Variants in RNF141 observed in about 807,000 individuals in gnomAD.
RNF141 encodes C3HC4-like zinc finger protein.
In RNF141, 18 loss-of-function variants were observed where a neutral mutation model predicts 27.4. The observed-to-expected ratio is 0.66, with a 90% CI of 0.45 to 0.97. The LOEUF is 0.97. RNF141 is among the 50% of genes least tolerant of loss of function. The pLI is 0.00. For missense variants in RNF141, 230 were observed against 279.4 expected, an observed-to-expected ratio of 0.82 and a Z score of 1.26; for synonymous variants, 97 against 96.6, an observed-to-expected ratio of 1.00 and a Z score of -0.02.
At chr11:10,521,910 G>T (rs777750070) in intron 4 of RNF141, among the ~76,000 whole-genome samples, 2 of 152,276 alleles carry the variant, frequency 1.3e-5, no homozygotes, top group East Asian at 3.9e-4. Context: ...AAGTTTGAAC[G>T]TGTCCTGACA....
chr11:10,527,735 A>G (rs975713945), intron 3 of RNF141, among the ~76,000 whole-genome samples: 1 of 152,180 alleles, frequency 6.6e-6, no homozygotes, highest in African/African-American at 2.4e-5. Context: ...CTTGGAATAG[A>G]CTGCTTGTTG....
chr11:10,524,399 T>G (rs1849914552), intron 4 of RNF141, among the ~76,000 whole-genome samples: 1 of 151,634 alleles, frequency 6.6e-6, no homozygotes, highest in Non-Finnish European at 1.5e-5. Flanking sequence ...AGACTCCGCC[T>G]CAATTAAAAA....
intron 3 of RNF141, among the ~76,000 whole-genome samples, chr11:10,525,862 A>AC (rs1766249622): frequency 6.6e-6 from 1 of 152,216 alleles, no homozygotes; most frequent in Non-Finnish European, 1.5e-5. Context: ...ATAAATCCTA[A>AC]CAAAAGGTGG....
rs75146406 is a variant in RNF141, at chr11:10,538,362, C to T, written c.-48+2760G>A. Among the ~76,000 whole-genome samples, 1,022 of 152,318 alleles carry T rather than the reference C, an allele frequency of 6.7e-3. 15 individuals carry two copies. The highest frequency in any genetic ancestry group is 0.024 in the African/African-American group (985 of 41,564). ...ACCATAAAATATTGATAAATATTAA[C>T]ATCTATCACTATATGGGTGTGAAAA... On this transcript the variant is annotated intron_variant, in intron 1 of 5. Transcript: ENST00000265981.
intron 5 of RNF141, chr11:10,517,015 AAGC>A (rs1259067176): frequency 1.3e-5 from 2 of 152,226 alleles, no homozygotes; most frequent in Admixed American, 1.3e-4. Context: ...ACATACAAAA[AAGC>A]AGCAGAAAAA....
chr11:10,516,036 G>T (rs1020014727), intron 5 of RNF141: 1 of 152,162 alleles, frequency 6.6e-6, no homozygotes. Context: ...ATCTCTCAGT[G>T]AAATCTGGGA....
intron 4 of RNF141, 100 bp downstream of exon 4, chr11:10,525,089 AAAG>A: frequency 3.3e-6 from 3 of 904,734 alleles, no homozygotes; most frequent in South Asian, 2.6e-5. Flanking sequence ...GAGAAAAAAA[AAAG>A]ATTTAAGATG....
At chr11:10,518,943 TAACTA>T in intron 5 of RNF141, 86 bp downstream of exon 5, 1 of 844,238 alleles carries the variant, frequency 1.2e-6, no homozygotes, top group Non-Finnish European at 1.9e-6. Flanking sequence ...CTCTCATACT[TAACTA>T]CAGTATTTTT....
At chr11:10,515,549 A>C (rs901257846) in intron 5 of RNF141, 3 of 152,274 alleles carry the variant, frequency 2.0e-5, no homozygotes, top group African/African-American at 7.2e-5. Context: ...TTATAATAAA[A>C]ATTCCTTCTG....
chr11:10,515,139 A>T, intron 5 of RNF141, 73 bp from the exon 6 acceptor site: 1 of 1,462,810 alleles, frequency 6.8e-7, no homozygotes, highest in Non-Finnish European at 9.3e-7. Context: ...AAAGTAATAC[A>T]TGCACATGGC....
Position 10,538,324 on chromosome 11 carries a change from G to GT in RNF141, c.-48+2797dup, listed in dbSNP as rs573523133. Among the ~76,000 whole-genome samples the GT allele has an allele frequency of 1.6e-4, 25 of 152,282 alleles. No homozygotes were observed. The South Asian group carries it at 4.8e-3, about 29-fold the overall frequency. ...TTCCAGAAAGAGGGCTTGACATTTA[G>GT]TTTATTTTGAAAACCATAAAATATT... On this transcript the variant is annotated intron_variant, in intron 1 of 5. Coordinates refer to ENST00000265981, the MANE Select transcript of RNF141 (RefSeq NM_016422.4).
At chr11:10,540,650 CAAAA>C in intron 1 of RNF141, 1 of 152,262 alleles carries the variant, frequency 6.6e-6, no homozygotes, top group Non-Finnish European at 1.5e-5. Flanking sequence ...TCGTCCCAGG[CAAAA>C]GGTTTCTTAT....
At chr11:10,532,016 CTAAA>C (rs1200888824) in intron 2 of RNF141, 2 of 452,720 alleles carry the variant, frequency 4.4e-6, no homozygotes, top group East Asian at 7.1e-5. Flanking sequence ...ATATCCTGTG[CTAAA>C]TAAATAAAAG....
At chr11:10,518,044 A>T (rs1591496162) in intron 5 of RNF141, among the ~76,000 whole-genome samples, 1 of 152,338 alleles carries the variant, frequency 6.6e-6, no homozygotes, top group South Asian at 2.1e-4. Flanking sequence ...AAATAAGTGG[A>T]GAAATATACA....
chr11:10,521,989 A>C (rs1849891648), intron 4 of RNF141, among the ~76,000 whole-genome samples: 1 of 152,214 alleles, frequency 6.6e-6, no homozygotes, highest in Non-Finnish European at 1.5e-5. Context: ...CAGGAAGATA[A>C]ATTGGGAGTG....
chr11:10,530,430 AG>A (rs1217543584), intron 3 of RNF141, among the ~76,000 whole-genome samples: 2 of 152,218 alleles, frequency 1.3e-5, no homozygotes, highest in East Asian at 3.8e-4. Flanking sequence ...GAGGCAAAAA[AG>A]AATTTGATTA....
intron 4 of RNF141, among the ~76,000 whole-genome samples, chr11:10,519,747 A>G (rs1849871896): frequency 1.3e-5 from 2 of 152,186 alleles, no homozygotes; most frequent in Non-Finnish European, 2.9e-5. Flanking sequence ...TACTGTGTAA[A>G]TACGGTATAC....
intron 4 of RNF141, among the ~76,000 whole-genome samples, chr11:10,522,288 T>C (rs997525590): frequency 2.6e-5 from 4 of 152,154 alleles, no homozygotes; most frequent in African/African-American, 9.7e-5. Flanking sequence ...GGCTGGACTT[T>C]AAAAGTGAGA....
intron 3 of RNF141, 91 bp from the exon 4 acceptor site, chr11:10,525,464 C>A: frequency 1.0e-6 from 1 of 970,024 alleles, no homozygotes; most frequent in Non-Finnish European, 1.5e-6. Context: ...AGTCAAACAT[C>A]CTAGGAAATA....
Sources: gnomAD v4.1 joint callset for allele counts (sites outside exome capture counted in the v4.1 genomes callset) on GRCh38, gnomAD v4.1.1 for gene constraint, MANE v1.5 for transcripts, NCBI Gene and HGNC (gene_info 2026-07-23, HGNC 2026-07-21) for gene names.